Variants in HPSE2 observed in about 807,000 individuals in gnomAD.
HPSE2 encodes the protein inactive heparanase-2.
A neutral mutation model predicts 60.5 loss-of-function variants in HPSE2; 38 were observed. The observed-to-expected ratio is 0.63, with a 90% CI of 0.48 to 0.82. The LOEUF (loss-of-function observed/expected upper bound fraction) is 0.82, where lower values mean the gene tolerates loss of function less well. HPSE2 is among the 40% of genes least tolerant of loss of function. The pLI, the probability that HPSE2 is intolerant of heterozygous loss-of-function variation, is 0.00. For synonymous variants in HPSE2, 295 were observed against 293.2 expected, an observed-to-expected ratio of 1.01 and a Z score of -0.06; for missense variants, 713 against 740.4, an observed-to-expected ratio of 0.96 and a Z score of 0.43.
chr10:98,934,119 T>C (rs1954721907), intron 3 of HPSE2, among the ~76,000 whole-genome samples: 1 of 143,938 alleles, frequency 6.9e-6, no homozygotes, highest in Non-Finnish European at 1.5e-5. Flanking sequence ...CTGCTTTCCA[T>C]ATGCTTGGTA....
chr10:99,278,483 T>TCTA, the HPSE2 span, among the ~76,000 whole-genome samples: 1 of 152,116 alleles, frequency 6.6e-6, no homozygotes, highest in African/African-American at 2.4e-5. Context: ...ATACCTAATT[T>TCTA]CTATACAGGA....
intron 2 of HPSE2, among the ~76,000 whole-genome samples, chr10:99,212,902 T>C (rs890705702): frequency 1.3e-5 from 2 of 152,204 alleles, no homozygotes; most frequent in African/African-American, 4.8e-5. Context: ...TAGAATGTTT[T>C]TGCCAGTTAA....
chr10:99,163,152 A>C (rs565736353), intron 2 of HPSE2, among the ~76,000 whole-genome samples: 3 of 152,038 alleles, frequency 2.0e-5, no homozygotes, highest in South Asian at 4.2e-4. Context: ...CCGAGCTTGC[A>C]GTGAGCCAAG....
chr10:98,690,887 T>C (rs2134163009), intron 6 of HPSE2, among the ~76,000 whole-genome samples: 1 of 152,278 alleles, frequency 6.6e-6, no homozygotes, highest in African/African-American at 2.4e-5. Flanking sequence ...CAAATCAAAA[T>C]AGTCAAACTA....
At chr10:99,261,476 C>T in the HPSE2 span, among the ~76,000 whole-genome samples, 1 of 152,214 alleles carries the variant, frequency 6.6e-6, no homozygotes, top group Admixed American at 6.5e-5. Context: ...TATCTAACCT[C>T]TCCCAAATCA....
At chr10:98,730,390 T>C (rs1949197600) in intron 4 of HPSE2, among the ~76,000 whole-genome samples, 1 of 151,436 alleles carries the variant, frequency 6.6e-6, no homozygotes, top group African/African-American at 2.4e-5. Flanking sequence ...AGATCTCAAA[T>C]CAATAACCTA....
At chr10:99,051,540 G>A (rs1398007422) in intron 3 of HPSE2, among the ~76,000 whole-genome samples, 1 of 152,150 alleles carries the variant, frequency 6.6e-6, no homozygotes, top group Admixed American at 6.5e-5. Context: ...AAAAGCCATA[G>A]AAAAGGGAGT....
intron 3 of HPSE2, among the ~76,000 whole-genome samples, chr10:98,869,621 C>T (rs904093698): frequency 6.6e-6 from 1 of 152,154 alleles, no homozygotes; most frequent in Non-Finnish European, 1.5e-5. Flanking sequence ...AGATTGCCTT[C>T]TGACTTACCA....
chr10:98,935,986 G>A (rs1218968480), intron 3 of HPSE2, among the ~76,000 whole-genome samples: 1 of 144,748 alleles, frequency 6.9e-6, no homozygotes. Flanking sequence ...GTGGACTCCT[G>A]CAGGGATGCC....
At chr10:98,662,898 G>T (rs1009622472) in intron 6 of HPSE2, among the ~76,000 whole-genome samples, 1 of 151,852 alleles carries the variant, frequency 6.6e-6, no homozygotes, top group African/African-American at 2.4e-5. Context: ...ATCTATTTAG[G>T]GAAATAATAC....
chr10:99,194,308 T>C (rs1848320287), intron 2 of HPSE2, among the ~76,000 whole-genome samples: 1 of 151,674 alleles, frequency 6.6e-6, no homozygotes, highest in Non-Finnish European at 1.5e-5. Context: ...AATAAATACC[T>C]ACATCAAAAA....
chr10:98,754,976 A>G (rs972173262), intron 3 of HPSE2, among the ~76,000 whole-genome samples: 1 of 136,372 alleles, frequency 7.3e-6, no homozygotes, highest in African/African-American at 2.5e-5. Context: ...TCAAGTCTGC[A>G]TAAACACCAG....
intron 3 of HPSE2, among the ~76,000 whole-genome samples, chr10:98,835,140 T>C (rs1469641501): frequency 6.6e-6 from 1 of 152,074 alleles, no homozygotes; most frequent in Non-Finnish European, 1.5e-5. Context: ...GCCAAAGAGA[T>C]GGAACCTGAC....
At chr10:99,196,633 A>G (rs1848408739) in intron 2 of HPSE2, among the ~76,000 whole-genome samples, 1 of 152,234 alleles carries the variant, frequency 6.6e-6, no homozygotes, top group South Asian at 2.1e-4. Flanking sequence ...ACTGATCATC[A>G]GAAACATGCA....
At chr10:98,796,530 C>G (rs374725157) in intron 3 of HPSE2, among the ~76,000 whole-genome samples, 1 of 152,186 alleles carries the variant, frequency 6.6e-6, no homozygotes, top group Non-Finnish European at 1.5e-5. Flanking sequence ...AGGTAAATTT[C>G]TAAAGTTTTT....
chr10:99,089,266 G>T (rs1564797384), intron 3 of HPSE2, among the ~76,000 whole-genome samples: 2 of 152,164 alleles, frequency 1.3e-5, no homozygotes, highest in East Asian at 1.9e-4. Context: ...GTCTAGAAGG[G>T]TTTTTCCGAT....
chr10:98,546,596 G>T (rs1306489461), intron 9 of HPSE2, among the ~76,000 whole-genome samples: 1 of 151,562 alleles, frequency 6.6e-6, no homozygotes, highest in Non-Finnish European at 1.5e-5. Flanking sequence ...AAACTGGCTA[G>T]CCATATGTAG....
chr10:99,254,856 A>G, the HPSE2 span, among the ~76,000 whole-genome samples: 1 of 152,228 alleles, frequency 6.6e-6, no homozygotes, highest in African/African-American at 2.4e-5. Context: ...TGAAATATCC[A>G]GAGCAGGCAA....
intron 3 of HPSE2, among the ~76,000 whole-genome samples, chr10:98,847,191 G>A (rs961736894): frequency 1.3e-5 from 2 of 152,182 alleles, no homozygotes; most frequent in Non-Finnish European, 2.9e-5. Flanking sequence ...TGCATAAAGA[G>A]TAGAGTCTAT....
Sources: gnomAD v4.1 joint callset for allele counts (sites outside exome capture counted in the v4.1 genomes callset) on GRCh38, gnomAD v4.1.1 for gene constraint, MANE v1.5 for transcripts, NCBI Gene and HGNC (gene_info 2026-07-23, HGNC 2026-07-21) for gene names.